LRMDA: variants seen among roughly 807,000 people sequenced by gnomAD.
The protein encoded by LRMDA is leucine rich melanocyte differentiation associated.
A neutral mutation model predicts 29.8 loss-of-function variants in LRMDA; 18 were observed. That is an observed-to-expected ratio of 0.60 (90% CI 0.42 to 0.90). The LOEUF (loss-of-function observed/expected upper bound fraction) is 0.90. Among genes scored for constraint, LRMDA ranks in the 40% least tolerant of loss-of-function variants. The pLI, the probability that LRMDA is intolerant of heterozygous loss-of-function variation, is 0.00. For missense variants in LRMDA, 273 were observed against 273.9 expected (o/e 1.00, Z 0.02); for synonymous variants, 125 against 109.4 (o/e 1.14, Z -0.89).
rs34563574 is a variant in LRMDA, at chr10:76,180,277, CTTTTTTTTT to C, written c.516+121512_516+121520del. Among the ~76,000 whole-genome samples the C allele has an allele frequency of 2.8e-4, 25 of 89,866 alleles. No individual in the cohort carries two copies. The South Asian group carries it at 2.9e-3, about 10-fold the overall frequency. The allele number at this position is 89,866 out of a possible 152,430, so 59.0% of individuals were successfully genotyped here. A position where few individuals can be genotyped will look rare whatever the true frequency, so the allele number is the denominator to read the frequency against. On this transcript the variant is annotated intron_variant, in intron 5 of 6. Coordinates refer to ENST00000611255, the MANE Select transcript of LRMDA (RefSeq NM_001305581.2). ...GCCATGGCCACTGCTTTGGAAAAAA[CTTTTTTTTT>C]TTTTTTTTTTTTTTTTTGAGACAGA...
At chr10:75,553,552 C>A (rs1178181933) in intron 2 of LRMDA, among the ~76,000 whole-genome samples, 1 of 152,188 alleles carries the variant, frequency 6.6e-6, no homozygotes, top group East Asian at 1.9e-4. Flanking sequence ...CTTTTTCTGT[C>A]TCATATTTGT....
At chr10:75,879,104 C>T (rs781459370) in intron 2 of LRMDA, among the ~76,000 whole-genome samples, 10 of 152,350 alleles carry the variant, frequency 6.6e-5, no homozygotes, top group African/African-American at 1.7e-4. Flanking sequence ...ACCGATCTCA[C>T]AATCCCCTGC....
intron 2 of LRMDA, among the ~76,000 whole-genome samples, chr10:75,490,196 A>T (rs1844967467): frequency 6.6e-6 from 1 of 152,240 alleles, no homozygotes; most frequent in Non-Finnish European, 1.5e-5. Flanking sequence ...GTCTGGTTTC[A>T]AAGTCTACTC....
chr10:76,175,729 T>G (rs1377389370), intron 5 of LRMDA, among the ~76,000 whole-genome samples: 1 of 152,142 alleles, frequency 6.6e-6, no homozygotes, highest in East Asian at 1.9e-4. Context: ...GAGTGAAGCC[T>G]TGGCGGGCAA....
chr10:76,097,547 C>T (rs1250360694), intron 5 of LRMDA, among the ~76,000 whole-genome samples: 1 of 152,172 alleles, frequency 6.6e-6, no homozygotes, highest in Non-Finnish European at 1.5e-5. Context: ...ATGAAGTTAG[C>T]TATAGATTTT....
intron 5 of LRMDA, among the ~76,000 whole-genome samples, chr10:76,172,203 G>A (rs960131684): frequency 3.9e-5 from 6 of 152,092 alleles, no homozygotes; most frequent in Admixed American, 3.3e-4. Context: ...CCTGCTACTA[G>A]GTCCCATCTC....
intron 5 of LRMDA, among the ~76,000 whole-genome samples, chr10:76,265,656 G>A (rs1375923707): frequency 2.6e-5 from 4 of 152,192 alleles, no homozygotes; most frequent in Non-Finnish European, 5.9e-5. Context: ...AGACCCATCA[G>A]GCCCTTATGG....
chr10:75,798,148 T>C (rs1239801429), intron 2 of LRMDA, among the ~76,000 whole-genome samples: 1 of 152,172 alleles, frequency 6.6e-6, no homozygotes, highest in Admixed American at 6.5e-5. Context: ...TTGCCCCTTT[T>C]AAAAATTGAA....
intron 2 of LRMDA, among the ~76,000 whole-genome samples, chr10:75,864,282 T>C (rs185070211): frequency 1.2e-3 from 188 of 152,292 alleles, no homozygotes; most frequent in African/African-American, 4.2e-3. Flanking sequence ...ATAATAGATA[T>C]GAAAAGACTG....
At chr10:75,802,320 AAC>A (rs1277198568) in intron 2 of LRMDA, among the ~76,000 whole-genome samples, 25 of 139,728 alleles carry the variant, frequency 1.8e-4, no homozygotes, top group African/African-American at 3.2e-4. Flanking sequence ...CCTATCTCTA[AAC>A]ACACACACAC....
intron 5 of LRMDA, chr10:76,260,968 G>A (rs1248486550): frequency 1.3e-5 from 2 of 151,954 alleles, no homozygotes; most frequent in Non-Finnish European, 2.9e-5. Context: ...TGCCAGCTTA[G>A]CAACCCTACT....
intron 2 of LRMDA, among the ~76,000 whole-genome samples, chr10:75,531,684 T>A (rs983767659): frequency 2.6e-5 from 4 of 152,164 alleles, no homozygotes; most frequent in Non-Finnish European, 5.9e-5. Flanking sequence ...ACCTAGTGTA[T>A]GTTCAGTTTT....
chr10:75,881,364 T>A (rs1466250020), intron 2 of LRMDA, among the ~76,000 whole-genome samples: 1 of 152,006 alleles, frequency 6.6e-6, no homozygotes, highest in Non-Finnish European at 1.5e-5. Flanking sequence ...GAGAATAAGA[T>A]CTGGAGGCAG....
chr10:76,344,673 T>A (rs529396171), intron 6 of LRMDA, among the ~76,000 whole-genome samples: 54 of 152,204 alleles, frequency 3.5e-4, no homozygotes, highest in African/African-American at 1.3e-3. Context: ...AACAATGTGG[T>A]ACTGGCACAG....
intron 4 of LRMDA, among the ~76,000 whole-genome samples, chr10:76,055,063 C>CAAAAAAAAAAAAAAAAAAAAAAAAA (rs531729040): frequency 4.1e-4 from 19 of 45,904 alleles, no homozygotes; most frequent in South Asian, 2.5e-3. Flanking sequence ...GACTCCATCT[C>CAAAAAAAAAAAAAAAAAAAAAAAAA]AAAAAAAAAA....
Position 76,463,917 on chromosome 10 carries a change from A to ATTTTTTTTTTTTTT in LRMDA, c.602-93288_602-93275dup, listed in dbSNP as rs763472626. Among the ~76,000 whole-genome samples the ATTTTTTTTTTTTTT allele has an allele frequency of 1.5e-3, 172 of 112,850 alleles. 4 individuals carry two copies. The highest frequency in any genetic ancestry group is 2.4e-3 in the Non-Finnish European group (132 of 55,986). The allele number at this position is 112,850 out of a possible 152,430, so 74.0% of individuals were successfully genotyped here. A position where few individuals can be genotyped will look rare whatever the true frequency, so the allele number is the denominator to read the frequency against. On this transcript the variant is annotated intron_variant, in intron 6 of 6. Transcript: ENST00000611255. Reference sequence around the variant, plus strand: ...CTGGCACACAGTAGGTGCAAAATAAATTTTTTTTTTTTTTTTTGTGAGATG... The same window carrying ATTTTTTTTTTTTTT: ...CTGGCACACAGTAGGTGCAAAATAAATTTTTTTTTTTTTTTTTTTTTTTTTTTTTTTGTGAGATG...
At chr10:75,540,008 G>C (rs1371138407) in intron 2 of LRMDA, among the ~76,000 whole-genome samples, 1 of 152,134 alleles carries the variant, frequency 6.6e-6, no homozygotes, top group African/African-American at 2.4e-5. Context: ...ATTACTATCT[G>C]TTCTAGGATC....
intron 2 of LRMDA, among the ~76,000 whole-genome samples, chr10:75,514,681 G>T (rs1845269274): frequency 6.6e-6 from 1 of 152,102 alleles, no homozygotes; most frequent in African/African-American, 2.4e-5. Flanking sequence ...TCCTCCTCTT[G>T]CTCCTTTGTC....
At chr10:75,973,071 A>AGCT (rs1335227083) in intron 2 of LRMDA, among the ~76,000 whole-genome samples, 1 of 147,756 alleles carries the variant, frequency 6.8e-6, no homozygotes, top group African/African-American at 2.6e-5. Context: ...CAGCAGCAGC[A>AGCT]GCTACTCCTG....
Sources: gnomAD v4.1 joint callset for allele counts (sites outside exome capture counted in the v4.1 genomes callset) on GRCh38, gnomAD v4.1.1 for gene constraint, MANE v1.5 for transcripts, NCBI Gene and HGNC (gene_info 2026-07-23, HGNC 2026-07-21) for gene names.